Variants in GABRA1 observed in about 807,000 individuals in gnomAD.
GABRA1 encodes gamma-aminobutyric acid type A receptor subunit alpha1.
Under a neutral mutation model 48.9 loss-of-function variants are expected in GABRA1, and 9 were observed. The ratio of observed to expected loss-of-function variants is 0.18; its 90% CI spans 0.11 to 0.32. The LOEUF (loss-of-function observed/expected upper bound fraction) is 0.32. Ranked by LOEUF, GABRA1 falls within the 10% of genes least tolerant of loss-of-function variation. The pLI is 1.00. For synonymous variants in GABRA1, 210 were observed against 198.7 expected (o/e 1.06, Z -0.48); for missense variants, 285 against 553.8 (o/e 0.51, Z 4.87).
In GABRA1 at chr5:161,897,257, C is replaced by T. The variant is rs541335259; in HGVS notation, c.1206C>T (p.Pro402=). ...SATIEPKEVK[P]ETKPPEPKKT... ...CCATAGAACCTAAAGAGGTCAAGCC[C>T]GAAACAAAACCACCAGAACCCAAGA... Residue 402 remains proline, a synonymous_variant, in exon 10 of 10, where the codon CCC becomes CCT. Coordinates refer to ENST00000393943, the MANE Select transcript of GABRA1 (RefSeq NM_001127644.2). 15 of 1,614,084 alleles carry T rather than the reference C, an allele frequency of 9.3e-6. No individual in the cohort carries two copies. Among genetic ancestry groups the T allele is most frequent in the Admixed American group, 5.0e-5 (3 of 60,010 alleles).
At chr5:161,858,208 C>T (rs1168187851) in intron 3 of GABRA1, among the ~76,000 whole-genome samples, 1 of 151,216 alleles carries the variant, frequency 6.6e-6, no homozygotes, top group Admixed American at 6.6e-5. Flanking sequence ...ATTCATTTTC[C>T]CAAGTTTTCT....
chr5:161,897,197 C>T lies in GABRA1; in HGVS notation c.1146C>T (p.Gly382=), dbSNP rs79593368. 27 of 1,613,914 alleles carry T rather than the reference C, an allele frequency of 1.7e-5. No individual in the cohort carries two copies. Among genetic ancestry groups the T allele is most frequent in the South Asian group, 6.6e-5 (6 of 91,080 alleles). Residue 382 remains glycine, a synonymous_variant, in exon 10 of 10, where the codon GGC becomes GGT. Transcript: ENST00000393943. The stretch of plus-strand genomic sequence containing the variant: ...GCTACACCCCTAATTTGGCCAGGGG[C>T]GACCCGGGCTTAGCCACCATTGCTA... The part of the protein sequence containing the change: ...ATSYTPNLAR[G]DPGLATIAKS...
At chr5:161,889,644 C>T (rs924425880) in intron 7 of GABRA1, among the ~76,000 whole-genome samples, 2 of 152,036 alleles carry the variant, frequency 1.3e-5, no homozygotes, top group Admixed American at 6.6e-5. Flanking sequence ...CATATTAGAA[C>T]TATGCTATGC....
intron 6 of GABRA1, chr5:161,881,740 G>C (rs1754621477): frequency 6.6e-6 from 1 of 151,946 alleles, no homozygotes; most frequent in African/African-American, 2.4e-5. Flanking sequence ...AGTCAAACTG[G>C]TCTTCCTCAA....
intron 7 of GABRA1, among the ~76,000 whole-genome samples, chr5:161,887,732 C>T (rs141775743): frequency 5.7e-4 from 87 of 152,112 alleles, no homozygotes; most frequent in African/African-American, 2.0e-3. Context: ...GTTGAATGAC[C>T]AAGTGGTTGA....
At chr5:161,850,348 C>T (rs546139207) in intron 1 of GABRA1, 2 of 337,504 alleles carry the variant, frequency 5.9e-6, no homozygotes, top group East Asian at 9.2e-5. Flanking sequence ...AACCTATCCC[C>T]TCCAATCCCT....
Position 161,873,263 on chromosome 5 carries a change from A to G in GABRA1, c.402A>G (p.Ser134=), listed in dbSNP as rs1252183788. ...PDTFFHNGKK[S]VAHNMTMPNK... is the part of the protein sequence containing the mutation. Reference sequence around the variant, plus strand: ...CATTTTTCCACAATGGAAAGAAGTCAGTGGCCCACAACATGACCATGCCCA... The same window carrying G: ...CATTTTTCCACAATGGAAAGAAGTCGGTGGCCCACAACATGACCATGCCCA... Residue 134 remains serine, a synonymous_variant, in exon 5 of 10, where the codon TCA becomes TCG. Transcript: ENST00000393943. 1 of 1,613,934 alleles carries G rather than the reference A, an allele frequency of 6.2e-7. No homozygotes were observed. Among genetic ancestry groups the G allele is most frequent in the Non-Finnish European group, 8.5e-7 (1 of 1,179,872 alleles).
intron 3 of GABRA1, among the ~76,000 whole-genome samples, chr5:161,863,980 C>A (rs545429957): frequency 6.6e-6 from 1 of 151,818 alleles, no homozygotes; most frequent in South Asian, 2.1e-4. Context: ...AACTTCCCCC[C>A]TTGCTGCCCC....
At chr5:161,895,066 G>A (rs533583395) in intron 8 of GABRA1, among the ~76,000 whole-genome samples, 112 of 152,010 alleles carry the variant, frequency 7.4e-4, no homozygotes, top group South Asian at 2.1e-3. Flanking sequence ...ATATGTATAT[G>A]AGACACACAT....
At chr5:161,875,488 A>G in intron 5 of GABRA1, 72 bp from the exon 6 acceptor site, 1 of 1,180,348 alleles carries the variant, frequency 8.5e-7, no homozygotes, top group Non-Finnish European at 1.3e-6. Flanking sequence ...ACAGTTAATA[A>G]CATTCCACTT....
intron 5 of GABRA1, among the ~76,000 whole-genome samples, chr5:161,874,910 G>A (rs1316048916): frequency 1.3e-5 from 2 of 152,012 alleles, no homozygotes; most frequent in African/African-American, 2.4e-5. Flanking sequence ...AACAAGAATA[G>A]ATTTCACATC....
intron 6 of GABRA1, among the ~76,000 whole-genome samples, chr5:161,879,561 C>G (rs1386714843): frequency 1.3e-5 from 2 of 152,090 alleles, no homozygotes; most frequent in East Asian, 3.9e-4. Context: ...TTCATAGGAA[C>G]TATTTTCTGG....
chr5:161,852,515 G>A (rs1390612794), intron 2 of GABRA1, among the ~76,000 whole-genome samples: 2 of 151,816 alleles, frequency 1.3e-5, no homozygotes, highest in Non-Finnish European at 2.9e-5. Flanking sequence ...AAAGATGCAG[G>A]AATGGCAGTT....
chr5:161,897,480 C>T lies in GABRA1; in HGVS notation c.*58C>T, dbSNP rs950728744. On this transcript the variant is annotated 3_prime_UTR_variant, in exon 10 of 10. Coordinates refer to ENST00000393943, the MANE Select transcript of GABRA1 (RefSeq NM_001127644.2). ...TGCACTGGGAATTTATTTATGTTCTCAACGCAGTAATTCCCATCTGCTTTA... is the reference window on the plus strand; with the variant it reads ...TGCACTGGGAATTTATTTATGTTCTTAACGCAGTAATTCCCATCTGCTTTA... 44 of 1,435,070 alleles carry T rather than the reference C, an allele frequency of 3.1e-5. No individual in the cohort carries two copies. The highest frequency in any genetic ancestry group is 3.6e-5 in the Non-Finnish European group (37 of 1,020,734). 88.9% of individuals were successfully genotyped at this position (1,435,070 alleles called of 1,614,324 possible).
chr5:161,891,094 A>G (rs745987740), intron 8 of GABRA1, 44 bp downstream of exon 8: 2 of 1,566,084 alleles, frequency 1.3e-6, no homozygotes, highest in Non-Finnish European at 8.8e-7. Context: ...GGTATGGAAG[A>G]CAAGTTATGT....
Position 161,898,516 on chromosome 5 carries a change from T to G in GABRA1, c.*1094T>G, listed in dbSNP as rs964030211. The G allele has an allele frequency of 2.0e-5, 3 of 152,364 alleles. No individual in the cohort carries two copies. The highest frequency in any genetic ancestry group is 7.2e-5 in the African/African-American group (3 of 41,478). The allele number at this position is 152,364 out of a possible 1,614,324, so 9.4% of individuals were successfully genotyped here. A position where few individuals can be genotyped will look rare whatever the true frequency, so the allele number is the denominator to read the frequency against. The stretch of plus-strand genomic sequence containing the variant: ...GAATCACTGCACTTAGCTGTTGGAA[T>G]GTTGTTAAATGCTATGGAAATACAT... On this transcript the variant is annotated 3_prime_UTR_variant, in exon 10 of 10. Transcript: ENST00000393943.
chr5:161,894,956 G>GC (rs1228457786), intron 8 of GABRA1, among the ~76,000 whole-genome samples: 94 of 152,172 alleles, frequency 6.2e-4, no homozygotes, highest in African/African-American at 2.1e-3. Context: ...CTGGTGTTCA[G>GC]ATGTTGGTAC....
intron 7 of GABRA1, among the ~76,000 whole-genome samples, chr5:161,884,001 G>A (rs1040369407): frequency 2.6e-5 from 4 of 151,962 alleles, no homozygotes; most frequent in Non-Finnish European, 5.9e-5. Flanking sequence ...TGATCTTGTC[G>A]CTTAGAAGCT....
At chr5:161,887,555 C>T (rs922966546) in intron 7 of GABRA1, among the ~76,000 whole-genome samples, 2 of 152,148 alleles carry the variant, frequency 1.3e-5, no homozygotes, top group African/African-American at 2.4e-5. Flanking sequence ...CCCCTTATCT[C>T]TATTTAGAAT....
Sources: gnomAD v4.1 joint callset for allele counts (sites outside exome capture counted in the v4.1 genomes callset) on GRCh38, gnomAD v4.1.1 for gene constraint, MANE v1.5 for transcripts, NCBI Gene and HGNC (gene_info 2026-07-23, HGNC 2026-07-21) for gene names.